The following HMCN2 variants were observed in gnomAD, a reference collection of about 807,000 sequenced individuals.
HMCN2 encodes hemicentin 2.
HMCN2 carries 325 observed loss-of-function variants against 377.5 expected under a neutral mutation model. The ratio of observed to expected loss-of-function variants is 0.86; its 90% CI spans 0.79 to 0.94. The LOEUF is 0.94. HMCN2 is among the 40% of genes least tolerant of loss of function. The pLI is 0.00. For missense variants in HMCN2, 4,543 were observed against 4,725.3 expected (o/e 0.96, Z 1.13); for synonymous variants, 2,007 against 2,046.8 (o/e 0.98, Z 0.53).
rs1837369873 is a variant in HMCN2, at chr9:130,313,406, TGCCAG to T, written c.2350+3346_2350+3350del. On this transcript the variant is annotated intron_variant, in intron 15 of 97. Transcript: ENST00000683500. ...TGGATTACCTTCCGAGCCTGGCATC[TGCCAG>T]TCAGGAGTCCTAGGCTCCATGCCCA... Among the ~76,000 whole-genome samples, 733 of 147,522 alleles carry T rather than the reference TGCCAG, an allele frequency of 5.0e-3. 2 individuals carry two copies. The highest frequency in any genetic ancestry group is 7.2e-3 in the Middle Eastern group (2 of 276).
rs1844929330 is a variant in HMCN2, at chr9:130,433,900, G to C, written c.*207G>C. 2.0e-6 allele frequency: 1 copy of C among 498,462 alleles called. No homozygotes were observed. Among genetic ancestry groups the C allele is most frequent in the Non-Finnish European group, 3.4e-6 (1 of 292,834 alleles). 30.9% of individuals were successfully genotyped at this position (498,462 alleles called of 1,614,324 possible). ...CCTCACAGAGGGAGGCGTCCAGGGC[G>C]GCCCTTGGGTGGCCAGTCCCGCAGG... On this transcript the variant is annotated 3_prime_UTR_variant, in exon 98 of 98. Coordinates refer to ENST00000683500, the MANE Select transcript of HMCN2 (RefSeq NM_001291815.2).
At chr9:130,429,808 A>G in intron 94 of HMCN2, 123 bp downstream of exon 94, 1 of 1,416,850 alleles carries the variant, frequency 7.1e-7, no homozygotes, top group Non-Finnish European at 9.3e-7. Context: ...ACCTCAGCTC[A>G]GGGGCTGAGG....
intron 33 of HMCN2, 63 bp downstream of exon 33, chr9:130,355,917 G>GT: frequency 9.5e-7 from 1 of 1,053,494 alleles, no homozygotes; most frequent in Non-Finnish European, 1.3e-6. Flanking sequence ...TTTGCGGATT[G>GT]TGGGGGGAAG....
intron 15 of HMCN2, among the ~76,000 whole-genome samples, chr9:130,316,938 CTA>C (rs1479145902): frequency 5.3e-5 from 8 of 152,148 alleles, no homozygotes; most frequent in African/African-American, 1.9e-4. Context: ...CAGCTCTGGC[CTA>C]TGAGGGTCCT....
Position 130,308,518 on chromosome 9 carries a change from C to T in HMCN2, c.2200+952C>T, listed in dbSNP as rs1554937701. ...CGAGGGTCAACCGGGGTCAGCAATA[C>T]TGTCCCCTCCCATTCCTTGCAGCAG... On this transcript the variant is annotated intron_variant, in intron 14 of 97. Coordinates refer to ENST00000683500, the MANE Select transcript of HMCN2 (RefSeq NM_001291815.2). The surrounding 1 kb of genome is among the most constrained non-coding windows in gnomAD (Gnocchi z 4.1). Among the ~76,000 whole-genome samples the T allele has an allele frequency of 6.6e-6, 1 of 152,162 alleles. No individual in the cohort carries two copies. The highest frequency in any genetic ancestry group is 1.5e-5 in the Non-Finnish European group (1 of 68,032).
Position 130,265,922 on chromosome 9 carries a change from C to G in HMCN2, c.44C>G (p.Ser15Cys), listed in dbSNP as rs912183127. Residue 15 changes from serine (S) to cysteine (C), a missense_variant, in exon 1 of 98, where the codon TCT (serine) becomes TGT (cysteine). Around this residue, in one of 5 missense-constraint regions of HMCN2, gnomAD observed 547 missense variants for 189.9 expected, o/e 2.88. Coordinates refer to ENST00000683500, the MANE Select transcript of HMCN2 (RefSeq NM_001291815.2). The part of the protein sequence containing the change: ...APLLRLLTAV[S>C]AAVAVAVAGA... The stretch of plus-strand genomic sequence containing the variant: ...CTCCTGCGGCTGCTGACCGCGGTCT[C>G]TGCGGCAGTGGCAGTGGCAGTGGCC... 5 of 397,140 alleles carry G rather than the reference C, an allele frequency of 1.3e-5. No individual in the cohort carries two copies. In the African/African-American group the frequency reaches 1.4e-4, roughly 11 times the overall value. 24.6% of individuals were successfully genotyped at this position (397,140 alleles called of 1,614,324 possible).
chr9:130,416,115 T>A (rs574268303), intron 85 of HMCN2, among the ~76,000 whole-genome samples: 2 of 149,908 alleles, frequency 1.3e-5, no homozygotes, highest in Non-Finnish European at 3.0e-5. Flanking sequence ...TTTTTTTTTT[T>A]TTTTTTGGAG....
rs906372431 is a variant in HMCN2 at position 130,404,852 on chromosome 9, C to T, written c.12149-17C>T. 6.5e-5 allele frequency: 80 copies of T among 1,221,696 alleles called. 2 individuals carry two copies. The Admixed American group carries it at 2.2e-3, about 33-fold the overall frequency. 75.7% of individuals were successfully genotyped at this position (1,221,696 alleles called of 1,614,324 possible). A position where few individuals can be genotyped will look rare whatever the true frequency, so the allele number is the denominator to read the frequency against. On this transcript the variant is annotated splice_polypyrimidine_tract_variant and intron_variant, in intron 80 of 97. Coordinates refer to ENST00000683500, the MANE Select transcript of HMCN2 (RefSeq NM_001291815.2). The stretch of plus-strand genomic sequence containing the variant: ...TCCCTGAGCCCCGGTTCCGAGTGGG[C>T]CTCCCTCTGCCCGCAGTCCCACCAG...
Position 130,383,442 on chromosome 9 carries a change from T to TG in HMCN2, c.8734-57dup, listed in dbSNP as rs1425535726. ...GGGAGGGATTCCTCGCAGTCATTCC[T>TG]GGGGGTGGTGGTGTCCAAGGGGTCT... On this transcript the variant is annotated intron_variant, in intron 56 of 97. Transcript: ENST00000683500. 2.7e-3 allele frequency: 2,055 copies of TG among 751,954 alleles called. 6 individuals are homozygous for TG. Among genetic ancestry groups the TG allele is most frequent in the Middle Eastern group, 8.2e-3 (12 of 1,462 alleles). The allele number at this position is 751,954 out of a possible 1,614,324, so 46.6% of individuals were successfully genotyped here. A position where few individuals can be genotyped will look rare whatever the true frequency, so the allele number is the denominator to read the frequency against.
intron 11 of HMCN2, 135 bp from the exon 12 acceptor site, chr9:130,305,994 A>C (rs1213770014): frequency 5.3e-6 from 2 of 376,144 alleles, no homozygotes; most frequent in East Asian, 1.5e-4. Flanking sequence ...GGGAGATTGA[A>C]GCCCTCTGGG....
At chr9:130,281,786 AGGCTGG>A (rs1835136416) in intron 1 of HMCN2, among the ~76,000 whole-genome samples, 1 of 150,392 alleles carries the variant, frequency 6.6e-6, no homozygotes, top group Non-Finnish European at 1.5e-5. Flanking sequence ...CCCAGCTACT[AGGCTGG>A]GGCAGGAGAA....
At chr9:130,277,338 G>C (rs546907859) in intron 1 of HMCN2, among the ~76,000 whole-genome samples, 1 of 152,328 alleles carries the variant, frequency 6.6e-6, no homozygotes, top group South Asian at 2.1e-4. Context: ...CCAGCTGTTT[G>C]GCAAATGCCC....
At chr9:130,377,861 G>T (rs1588346367) in intron 53 of HMCN2, 62 bp downstream of exon 53, 1 of 976,948 alleles carries the variant, frequency 1.0e-6, no homozygotes, top group East Asian at 1.1e-4. Context: ...TGTGGGGCTG[G>T]CCCTCCGCAG....
chr9:130,335,385 A>C (rs1361287575), intron 22 of HMCN2, among the ~76,000 whole-genome samples: 1 of 152,164 alleles, frequency 6.6e-6, no homozygotes, highest in Non-Finnish European at 1.5e-5. Context: ...TGGCAGACAG[A>C]GGAGAGCTAC....
intron 22 of HMCN2, among the ~76,000 whole-genome samples, chr9:130,332,337 C>T (rs992259170): frequency 5.3e-5 from 8 of 152,242 alleles, no homozygotes; most frequent in African/African-American, 1.9e-4. Context: ...CCAGTCCTCG[C>T]TGTGCCCTGG....
In HMCN2 at chr9:130,281,361, C is replaced by G. The variant is rs76870885; in HGVS notation, c.260-3242C>G. Among the ~76,000 whole-genome samples the G allele has an allele frequency of 2.7e-3, 411 of 151,784 alleles. 3 individuals carry two copies. The highest frequency in any genetic ancestry group is 9.2e-3 in the African/African-American group (379 of 41,394). On this transcript the variant is annotated intron_variant, in intron 1 of 97. Coordinates refer to ENST00000683500, the MANE Select transcript of HMCN2 (RefSeq NM_001291815.2). ...CTTGGACGCCAGCACTTTGGGAGGC[C>G]GAGGCAAGTGTATCACATGAGTCCA... is the stretch of plus-strand genomic sequence containing the variant.
intron 73 of HMCN2, among the ~76,000 whole-genome samples, chr9:130,397,224 G>C (rs918618132): frequency 6.6e-6 from 1 of 152,256 alleles, no homozygotes; most frequent in East Asian, 1.9e-4. Flanking sequence ...AGCAGGCAAA[G>C]AGAGAGCTTA....
At chr9:130,344,582 T>C (rs1839240774) in intron 25 of HMCN2, among the ~76,000 whole-genome samples, 1 of 150,418 alleles carries the variant, frequency 6.6e-6, no homozygotes, top group African/African-American at 2.5e-5. Flanking sequence ...GTATGTAGTG[T>C]TTGTATGTTG....
At chr9:130,272,323 C>A (rs1834447469) in intron 1 of HMCN2, among the ~76,000 whole-genome samples, 1 of 148,860 alleles carries the variant, frequency 6.7e-6, no homozygotes, top group African/African-American at 2.4e-5. Context: ...CCACTGCAAC[C>A]TCCACCTCCT....
Sources: allele counts gnomAD v4.1 joint callset (sites outside exome capture counted in the v4.1 genomes callset), GRCh38; gene constraint gnomAD v4.1.1; regional missense constraint gnomAD v4.1.1; non-coding constraint Gnocchi (gnomAD v3.1); transcripts MANE v1.5; gene names NCBI Gene and HGNC (gene_info 2026-07-23, HGNC 2026-07-21).